WWP2: variants seen among roughly 807,000 people sequenced by gnomAD.
The protein encoded by WWP2 is NEDD4-like E3 ubiquitin-protein ligase WWP2.
A neutral mutation model predicts 121.0 loss-of-function variants in WWP2; 57 were observed. The ratio of observed to expected loss-of-function variants is 0.47; its 90% CI spans 0.38 to 0.59. The LOEUF is 0.59. Among genes scored for constraint, WWP2 ranks in the 20% least tolerant of loss-of-function variants. WWP2 has a pLI of 0.00. For synonymous variants in WWP2, 449 were observed against 441.3 expected, an observed-to-expected ratio of 1.02 and a Z score of -0.22; for missense variants, 962 against 1,158.9, an observed-to-expected ratio of 0.83 and a Z score of 2.47.
At chr16:69,876,505 C>T (rs939247892) in intron 7 of WWP2, among the ~76,000 whole-genome samples, 23 of 152,014 alleles carry the variant, frequency 1.5e-4, no homozygotes, top group African/African-American at 5.3e-4. Context: ...GCTGGGATTA[C>T]AGGCATCTGC....
At position 69,849,762 on chromosome 16, in the gene WWP2, C is replaced by A. The variant is rs117587176; in HGVS notation, c.575+7642C>A. 5.3e-4 allele frequency among the ~76,000 whole-genome samples: 81 copies of A among 151,952 alleles called. 1 individual carries two copies. The East Asian group carries it at 0.014, about 27-fold the overall frequency. On this transcript the variant is annotated intron_variant, in intron 6 of 23. Coordinates refer to ENST00000359154, the MANE Select transcript of WWP2 (RefSeq NM_001270454.2). ...GTTTGAGGCTGCAGTGAGTTATGAT[C>A]GTGCCACTGCACTCCAGCCTGGACA...
At chr16:69,860,260 G>A (rs9927269) in intron 6 of WWP2, among the ~76,000 whole-genome samples, 3,836 of 152,250 alleles carry the variant, frequency 0.025, 141 homozygotes, top group African/African-American at 0.085. Context: ...AGTACTGGAG[G>A]TTACAGGCCC....
At chr16:69,938,624 C>T (rs935855547) in intron 21 of WWP2, among the ~76,000 whole-genome samples, 3 of 152,046 alleles carry the variant, frequency 2.0e-5, no homozygotes, top group Non-Finnish European at 4.4e-5. Flanking sequence ...CCAGCCTGGG[C>T]GACAGAGCAG....
chr16:69,897,094 C>CT lies in WWP2; in HGVS notation c.914+8856dup, dbSNP rs11343848. Among the ~76,000 whole-genome samples, 254 of 145,616 alleles carry CT rather than the reference C, an allele frequency of 1.7e-3. 1 individual carries two copies. The highest frequency in any genetic ancestry group is 2.4e-3 in the Non-Finnish European group (160 of 65,624). On this transcript the variant is annotated intron_variant, in intron 8 of 23. Coordinates refer to ENST00000359154, the MANE Select transcript of WWP2 (RefSeq NM_001270454.2). ...GCATTTGCTACAGGTCTCTCCCCGT[C>CT]TTTTTTTTTTTGTTTGTGTGTTTTG...
chr16:69,832,469 T>A (rs935396279), intron 4 of WWP2, among the ~76,000 whole-genome samples: 1 of 152,252 alleles, frequency 6.6e-6, no homozygotes, highest in African/African-American at 2.4e-5. Context: ...GGTAATCATT[T>A]AATATTTTGA....
intron 7 of WWP2, among the ~76,000 whole-genome samples, chr16:69,876,517 A>G (rs894950533): frequency 7.9e-5 from 12 of 152,106 alleles, no homozygotes; most frequent in African/African-American, 2.9e-4. Context: ...GGCATCTGCT[A>G]CCACATCCGG....
Position 69,939,012 on chromosome 16 carries a change from C to T in WWP2, c.2344-15C>T, listed in dbSNP as rs756908595. On this transcript the variant is annotated splice_polypyrimidine_tract_variant and intron_variant, in intron 21 of 23. Transcript: ENST00000359154. ...CGTGGGTTGCCTGACTGTGCCTTGA[C>T]TTGCGGACTTCCAGGTGGTGAAGGA... 3.1e-6 allele frequency: 5 copies of T among 1,591,416 alleles called. No homozygotes were observed. The highest frequency in any genetic ancestry group is 4.3e-6 in the Non-Finnish European group (5 of 1,167,568).
rs746555490 is a variant in WWP2, at chr16:69,937,669, G to A, written c.2343+17G>A. On this transcript the variant is annotated intron_variant, in intron 21 of 23. Coordinates refer to ENST00000359154, the MANE Select transcript of WWP2 (RefSeq NM_001270454.2). This position sits in a 1 kb window ranked among gnomAD's most constrained non-coding sequence, Gnocchi z 6.6. Reference sequence around the variant, plus strand: ...TTCTGGCAGGTGGGTCCCGGGCCCAGGCCTTGGCAGGGACATTTGGGCCAT... The same window carrying A: ...TTCTGGCAGGTGGGTCCCGGGCCCAAGCCTTGGCAGGGACATTTGGGCCAT... 4.3e-6 allele frequency: 7 copies of A among 1,613,006 alleles called. No individual in the cohort carries two copies. The East Asian group carries it at 8.9e-5, about 21-fold the overall frequency.
intron 1 of WWP2, among the ~76,000 whole-genome samples, chr16:69,779,778 C>A (rs775706283): frequency 1.3e-5 from 2 of 152,140 alleles, no homozygotes. Flanking sequence ...GGATTTCCAG[C>A]GTTTAGTGCT....
At chr16:69,773,005 G>A (rs1405769473) in intron 1 of WWP2, among the ~76,000 whole-genome samples, 1 of 151,976 alleles carries the variant, frequency 6.6e-6, no homozygotes, top group African/African-American at 2.4e-5. Context: ...GATGGAGTTT[G>A]AGAAGGGAAC....
At chr16:69,850,510 A>G (rs1044884876) in intron 6 of WWP2, among the ~76,000 whole-genome samples, 8 of 152,156 alleles carry the variant, frequency 5.3e-5, no homozygotes, top group Non-Finnish European at 8.8e-5. Context: ...GTATGTACAC[A>G]TGCAAGAGGA....
chr16:69,835,052 G>A (rs1189334367), intron 4 of WWP2, among the ~76,000 whole-genome samples: 1 of 152,136 alleles, frequency 6.6e-6, no homozygotes, highest in African/African-American at 2.4e-5. Context: ...AGCTTGAGGG[G>A]AGCTTGTGAG....
At chr16:69,807,500 T>C (rs770597470) in intron 4 of WWP2, among the ~76,000 whole-genome samples, 1 of 151,042 alleles carries the variant, frequency 6.6e-6, no homozygotes, top group African/African-American at 2.4e-5. Context: ...GTGCCTCTGG[T>C]CCCAGCTACT....
At position 69,906,575 on chromosome 16, in the gene WWP2, C is replaced by T. The variant is rs141903250; in HGVS notation, c.915-2186C>T. Among the ~76,000 whole-genome samples the T allele has an allele frequency of 2.8e-3, 426 of 152,280 alleles. 4 individuals are homozygous for T. Among genetic ancestry groups the T allele is most frequent in the African/African-American group, 8.3e-3 (344 of 41,544 alleles). ...ACATATGTGCTCCTAAAAGTCAGCA[C>T]GTGATGCAAAATTATGCAGTTAAAA... On this transcript the variant is annotated intron_variant, in intron 8 of 23. Coordinates refer to ENST00000359154, the MANE Select transcript of WWP2 (RefSeq NM_001270454.2).
intron 8 of WWP2, among the ~76,000 whole-genome samples, chr16:69,905,188 C>T (rs1204368352): frequency 6.6e-6 from 1 of 152,166 alleles, no homozygotes; most frequent in Non-Finnish European, 1.5e-5. Flanking sequence ...CTGAGTGCTG[C>T]CCAGTTCCTG....
At chr16:69,933,010 G>A in intron 16 of WWP2, 3 of 475,036 alleles carry the variant, frequency 6.3e-6, no homozygotes, top group South Asian at 4.6e-5. Flanking sequence ...GTGGATGGAT[G>A]TTCCTTTTTT....
intron 9 of WWP2, among the ~76,000 whole-genome samples, chr16:69,914,768 AAG>A (rs1487184718): frequency 6.6e-6 from 1 of 152,186 alleles, no homozygotes; most frequent in Non-Finnish European, 1.5e-5. Context: ...AGAAACAAAA[AAG>A]AAAATGATTT....
intron 4 of WWP2, among the ~76,000 whole-genome samples, chr16:69,810,790 T>C (rs1408674041): frequency 6.6e-6 from 1 of 150,940 alleles, no homozygotes; most frequent in Admixed American, 6.6e-5. Flanking sequence ...AGTCTCGCTC[T>C]GTTGCCCAGA....
At chr16:69,806,314 ATTGT>A (rs1197184827) in intron 4 of WWP2, among the ~76,000 whole-genome samples, 2 of 152,146 alleles carry the variant, frequency 1.3e-5, no homozygotes, top group African/African-American at 2.4e-5. Flanking sequence ...TTTTGTTAGA[ATTGT>A]TTGTTAATAT....
Sources: gnomAD v4.1 joint callset for allele counts (sites outside exome capture counted in the v4.1 genomes callset) on GRCh38, gnomAD v4.1.1 for gene constraint, Gnocchi (gnomAD v3.1) non-coding constraint, MANE v1.5 for transcripts, NCBI Gene and HGNC (gene_info 2026-07-23, HGNC 2026-07-21) for gene names.